Variants in AP2B1 observed in about 807,000 individuals in gnomAD.
AP2B1 encodes the protein AP-2 complex subunit beta.
A neutral mutation model predicts 102.0 loss-of-function variants in AP2B1; 23 were observed. The ratio of observed to expected loss-of-function variants is 0.23; its 90% CI spans 0.16 to 0.32. The LOEUF is 0.32. Among genes scored for constraint, AP2B1 ranks in the 10% least tolerant of loss-of-function variants. AP2B1 has a pLI of 1.00. For synonymous variants in AP2B1, 381 were observed against 421.2 expected, an observed-to-expected ratio of 0.90 and a Z score of 1.17; for missense variants, 541 against 1,157.4, an observed-to-expected ratio of 0.47 and a Z score of 7.73.
Position 35,725,740 on chromosome 17 carries a change from T to C in AP2B1, c.*2041T>C, listed in dbSNP as rs1377276812. ...TAGTGCAGAAGGTTCACACTGCAAA[T>C]AGTGTTCTCATCTCAAAGCAAACTA... On this transcript the variant is annotated 3_prime_UTR_variant, in exon 22 of 22. Transcript: ENST00000610402. 1 of 152,576 alleles carries C rather than the reference T, an allele frequency of 6.6e-6. No homozygotes were observed. The highest frequency in any genetic ancestry group is 6.5e-5 in the Admixed American group (1 of 15,274). 9.5% of individuals were successfully genotyped at this position (152,576 alleles called of 1,614,324 possible). A position where few individuals can be genotyped will look rare whatever the true frequency, so the allele number is the denominator to read the frequency against.
intron 14 of AP2B1, among the ~76,000 whole-genome samples, chr17:35,669,230 G>A (rs779325041): frequency 6.7e-5 from 10 of 149,614 alleles, no homozygotes; most frequent in Non-Finnish European, 1.2e-4. Flanking sequence ...CGCAACCTCC[G>A]TCTCTTGGGT....
At chr17:35,650,411 T>C in intron 12 of AP2B1, 119 bp from the exon 13 acceptor site, 1 of 1,230,902 alleles carries the variant, frequency 8.1e-7, no homozygotes, top group Non-Finnish European at 1.1e-6. Flanking sequence ...CTGAAGTATC[T>C]TCTTAATACC....
chr17:35,690,361 A>G (rs2076016959), intron 18 of AP2B1, among the ~76,000 whole-genome samples: 1 of 152,198 alleles, frequency 6.6e-6, no homozygotes, highest in Non-Finnish European at 1.5e-5. Context: ...TCTGTCTACG[A>G]TAGAAAGGCT....
chr17:35,613,441 C>T (rs968790819), intron 5 of AP2B1, among the ~76,000 whole-genome samples: 4 of 151,992 alleles, frequency 2.6e-5, no homozygotes, highest in African/African-American at 9.7e-5. Context: ...ATACATCTTA[C>T]TTTCCTGCAG....
chr17:35,703,691 T>C (rs1428734243), intron 18 of AP2B1, among the ~76,000 whole-genome samples: 1 of 151,514 alleles, frequency 6.6e-6, no homozygotes, highest in Middle Eastern at 3.2e-3. Context: ...GGGTGGAGGG[T>C]GGGAGAAGGG....
At chr17:35,654,392 A>T (rs1249388104) in intron 13 of AP2B1, among the ~76,000 whole-genome samples, 1 of 152,062 alleles carries the variant, frequency 6.6e-6, no homozygotes, top group African/African-American at 2.4e-5. Flanking sequence ...ACTTTTTATC[A>T]TATAAATCTT....
rs1261534082 is a variant in AP2B1 at position 35,723,224 on chromosome 17, G to T, written c.2782-401G>T. ...GGGACTGAGATATAGCCATCCTCTT[G>T]TCAGACTGAGAAACTGAGGCAGGCA... On this transcript the variant is annotated intron_variant, in intron 21 of 21. Transcript: ENST00000610402. Among the ~76,000 whole-genome samples the T allele has an allele frequency of 3.3e-5, 5 of 152,334 alleles. No individual in the cohort carries two copies. In the East Asian group the frequency reaches 9.6e-4, roughly 29 times the overall value.
At chr17:35,636,811 AT>A (rs1178891667) in intron 10 of AP2B1, among the ~76,000 whole-genome samples, 1 of 152,182 alleles carries the variant, frequency 6.6e-6, no homozygotes, top group Non-Finnish European at 1.5e-5. Context: ...ATAATTAATG[AT>A]TGTGCACCTT....
chr17:35,668,921 A>T (rs920536359), intron 14 of AP2B1, among the ~76,000 whole-genome samples: 1 of 152,156 alleles, frequency 6.6e-6, no homozygotes, highest in Non-Finnish European at 1.5e-5. Context: ...GCAAAGCTTC[A>T]TTCTTATCTA....
intron 1 of AP2B1, among the ~76,000 whole-genome samples, chr17:35,591,136 T>C (rs529645793): frequency 1.6e-4 from 22 of 137,132 alleles, no homozygotes; most frequent in African/African-American, 5.9e-4. Flanking sequence ...ATTGAACCAC[T>C]GCACTGGAGC....
chr17:35,682,883 A>G (rs763794419), intron 18 of AP2B1, 59 bp downstream of exon 18: 11 of 1,468,046 alleles, frequency 7.5e-6, no homozygotes, highest in Non-Finnish European at 1.0e-5. Context: ...TATTATTATT[A>G]TTATTATTTT....
At chr17:35,602,812 T>G (rs115117796) in intron 3 of AP2B1, among the ~76,000 whole-genome samples, 2,794 of 152,328 alleles carry the variant, frequency 0.018, 97 homozygotes, top group African/African-American at 0.063. Context: ...CACTTTTTAC[T>G]TCTTGCTTGA....
intron 13 of AP2B1, among the ~76,000 whole-genome samples, chr17:35,654,315 T>A (rs1423377825): frequency 6.6e-6 from 1 of 152,142 alleles, no homozygotes; most frequent in African/African-American, 2.4e-5. Flanking sequence ...CTGCCGACCT[T>A]GGCCTCCCAA....
chr17:35,601,706 G>C (rs181168700), intron 3 of AP2B1, among the ~76,000 whole-genome samples: 88 of 152,210 alleles, frequency 5.8e-4, no homozygotes, highest in African/African-American at 2.0e-3. Flanking sequence ...TCACTGAAGG[G>C]CTGTTTTTGC....
chr17:35,648,524 GCATA>G (rs71366470), intron 12 of AP2B1, among the ~76,000 whole-genome samples: 9,305 of 149,990 alleles, frequency 0.062, 372 homozygotes, highest in East Asian at 0.2. Context: ...CAAAATACAT[GCATA>G]CATACATACA....
intron 14 of AP2B1, among the ~76,000 whole-genome samples, chr17:35,664,847 A>G (rs1016628959): frequency 6.6e-6 from 1 of 152,204 alleles, no homozygotes; most frequent in African/African-American, 2.4e-5. Context: ...TATATTCATC[A>G]TTGAGTTCTG....
At chr17:35,589,733 G>A (rs988247795) in intron 1 of AP2B1, among the ~76,000 whole-genome samples, 5 of 152,104 alleles carry the variant, frequency 3.3e-5, no homozygotes, top group South Asian at 2.1e-4. Context: ...CAGAACAGCC[G>A]TTACTTGTCT....
chr17:35,701,645 C>G (rs2076241523), intron 18 of AP2B1, among the ~76,000 whole-genome samples: 1 of 152,162 alleles, frequency 6.6e-6, no homozygotes, highest in Admixed American at 6.5e-5. Context: ...CTCTGTTGCC[C>G]AGGCTGGAGT....
At chr17:35,658,631 C>T (rs543458536) in intron 14 of AP2B1, among the ~76,000 whole-genome samples, 1 of 152,140 alleles carries the variant, frequency 6.6e-6, no homozygotes. Flanking sequence ...TAGACCCTTG[C>T]AAAAGAGATT....
Sources: allele counts gnomAD v4.1 joint callset (sites outside exome capture counted in the v4.1 genomes callset), GRCh38; gene constraint gnomAD v4.1.1; transcripts MANE v1.5; gene names NCBI Gene and HGNC (gene_info 2026-07-23, HGNC 2026-07-21).